TCF7L2: variants seen among roughly 807,000 people sequenced by gnomAD.
The protein encoded by TCF7L2 is transcription factor 7-like 2.
In TCF7L2, 23 loss-of-function variants were observed where a neutral mutation model predicts 77.9. The observed-to-expected ratio is 0.30, with a 90% CI of 0.21 to 0.42. The LOEUF is 0.42. Among genes scored for constraint, TCF7L2 ranks in the 10% least tolerant of loss-of-function variants. The pLI is 1.00. For missense variants in TCF7L2, 654 were observed against 793.1 expected, an observed-to-expected ratio of 0.82 and a Z score of 2.11; for synonymous variants, 413 against 340.2, an observed-to-expected ratio of 1.21 and a Z score of -2.36.
At chr10:113,005,313 C>G (rs1420247232) in intron 4 of TCF7L2, among the ~76,000 whole-genome samples, 1 of 152,162 alleles carries the variant, frequency 6.6e-6, no homozygotes, top group Admixed American at 6.5e-5. Context: ...GACTGGGTCT[C>G]AGAAGATGGG....
At chr10:113,162,034 G>A (rs1245374239) in intron 13 of TCF7L2, among the ~76,000 whole-genome samples, 2 of 152,216 alleles carry the variant, frequency 1.3e-5, no homozygotes, top group Non-Finnish European at 2.9e-5. Context: ...GGAGTTTTGT[G>A]ACAAAGTTGA....
At chr10:113,117,408 T>TCTCC in intron 5 of TCF7L2, among the ~76,000 whole-genome samples, 1 of 45,268 alleles carries the variant, frequency 2.2e-5, no homozygotes, top group African/African-American at 8.9e-5. Flanking sequence ...TCTCTCTCTC[T>TCTCC]CTCTCTCTCT....
intron 4 of TCF7L2, among the ~76,000 whole-genome samples, chr10:113,013,130 T>G (rs2046746163): frequency 6.6e-6 from 1 of 150,484 alleles, no homozygotes; most frequent in Admixed American, 6.6e-5. Context: ...TTTTTTTTTT[T>G]TTTTTTCAGA....
intron 4 of TCF7L2, among the ~76,000 whole-genome samples, chr10:112,981,939 G>T (rs1379348529): frequency 6.6e-6 from 1 of 152,218 alleles, no homozygotes; most frequent in East Asian, 1.9e-4. Context: ...TATTGAGACT[G>T]CTGTGGCTTC....
chr10:113,117,365 T>C (rs1199430203), intron 5 of TCF7L2, among the ~76,000 whole-genome samples: 5 of 122,152 alleles, frequency 4.1e-5, no homozygotes, highest in African/African-American at 6.1e-5. Context: ...TGAAGGGATT[T>C]TCTCTCTCTC....
chr10:113,024,444 A>G (rs1262975708), intron 4 of TCF7L2, among the ~76,000 whole-genome samples: 1 of 152,146 alleles, frequency 6.6e-6, no homozygotes, highest in Admixed American at 6.5e-5. Flanking sequence ...ACTCATATAC[A>G]TCCTATGAAG....
chr10:113,142,307 C>T (rs551876188), intron 6 of TCF7L2, among the ~76,000 whole-genome samples: 35 of 152,282 alleles, frequency 2.3e-4, no homozygotes, highest in African/African-American at 7.9e-4. Context: ...CCCTTTTTAT[C>T]CCAGTTGTTC....
chr10:113,037,328 T>C (rs1411391864), intron 4 of TCF7L2, among the ~76,000 whole-genome samples: 1 of 152,056 alleles, frequency 6.6e-6, no homozygotes, highest in Non-Finnish European at 1.5e-5. Context: ...GAAGGAGAGT[T>C]TGGGGCTGTC....
intron 3 of TCF7L2, among the ~76,000 whole-genome samples, chr10:112,961,254 A>ACCGCCCCCC (rs1349844083): frequency 1.3e-4 from 8 of 60,494 alleles, no homozygotes; most frequent in African/African-American, 3.0e-4. Flanking sequence ...ACCTCAGGTG[A>ACCGCCCCCC]CCCCCCCCCC....
intron 5 of TCF7L2, among the ~76,000 whole-genome samples, chr10:113,081,495 T>A (rs2059312005): frequency 6.6e-6 from 1 of 152,220 alleles, no homozygotes; most frequent in Non-Finnish European, 1.5e-5. Flanking sequence ...GTGGATGGGC[T>A]TCTGTGTTAT....
chr10:113,040,827 A>T (rs2052314461), intron 5 of TCF7L2, among the ~76,000 whole-genome samples: 1 of 152,212 alleles, frequency 6.6e-6, no homozygotes, highest in Non-Finnish European at 1.5e-5. Context: ...TCTTGAGAAG[A>T]TAGCTCAGCC....
chr10:113,161,918 C>T (rs1277489622), intron 13 of TCF7L2, among the ~76,000 whole-genome samples: 1 of 152,166 alleles, frequency 6.6e-6, no homozygotes, highest in East Asian at 1.9e-4. Flanking sequence ...GAGTTGAACA[C>T]CCGGCAGGAG....
At chr10:113,106,320 G>A (rs544937924) in intron 5 of TCF7L2, among the ~76,000 whole-genome samples, 1 of 152,332 alleles carries the variant, frequency 6.6e-6, no homozygotes, top group East Asian at 1.9e-4. Flanking sequence ...GAAGACTGCT[G>A]TAAGATCAAG....
chr10:112,955,958 C>A (rs2033456598), intron 3 of TCF7L2, among the ~76,000 whole-genome samples: 1 of 151,666 alleles, frequency 6.6e-6, no homozygotes, highest in Admixed American at 6.6e-5. Context: ...CCACGAGGTG[C>A]CCCTGGCTGT....
intron 4 of TCF7L2, among the ~76,000 whole-genome samples, chr10:113,003,274 T>A (rs1397995313): frequency 6.6e-6 from 1 of 152,218 alleles, no homozygotes; most frequent in East Asian, 1.9e-4. Context: ...AGGTCTTGAT[T>A]TGGGGCCTCT....
intron 4 of TCF7L2, among the ~76,000 whole-genome samples, chr10:113,017,053 C>G (rs1175952772): frequency 6.6e-6 from 1 of 152,130 alleles, no homozygotes; most frequent in Non-Finnish European, 1.5e-5. Flanking sequence ...TATCTCTTCT[C>G]CACTCCTCAA....
At chr10:112,959,697 G>A (rs897998029) in intron 3 of TCF7L2, among the ~76,000 whole-genome samples, 1 of 152,102 alleles carries the variant, frequency 6.6e-6, no homozygotes, top group African/African-American at 2.4e-5. Flanking sequence ...TTTTATAAGG[G>A]CAGGCAGTCA....
At chr10:112,964,490 T>A (rs375204889) in intron 3 of TCF7L2, 66 bp from the exon 4 acceptor site, 394 of 1,487,276 alleles carry the variant, frequency 2.6e-4, no homozygotes, top group Non-Finnish European at 3.4e-4. Flanking sequence ...ATTCATAAAC[T>A]GCTTAAGATG....
At chr10:113,160,130 A>G in intron 12 of TCF7L2, 138 bp downstream of exon 14, 2 of 724,774 alleles carry the variant, frequency 2.8e-6, no homozygotes, top group Non-Finnish European at 2.3e-6. Flanking sequence ...TGCCAAGTGT[A>G]TGGGTTCTAT....
Sources: allele counts gnomAD v4.1 joint callset (sites outside exome capture counted in the v4.1 genomes callset), GRCh38; gene constraint gnomAD v4.1.1; transcripts MANE v1.5; gene names NCBI Gene and HGNC (gene_info 2026-07-23, HGNC 2026-07-21).